Variants in GCNT4 observed in about 807,000 individuals in gnomAD.
GCNT4 encodes beta-1,3-galactosyl-O-glycosyl-glycoprotein beta-1,6-N-acetylglucosaminyltransferase 4.
In GCNT4, 17 loss-of-function variants were observed where a neutral mutation model predicts 31.3. The observed-to-expected ratio is 0.54, with a 90% CI of 0.37 to 0.81. The LOEUF is 0.81. Ranked by LOEUF, GCNT4 falls within the 40% of genes least tolerant of loss-of-function variation. GCNT4 has a pLI of 0.00. For missense variants in GCNT4, 503 were observed against 525.5 expected (o/e 0.96, Z 0.42); for synonymous variants, 158 against 190.6 (o/e 0.83, Z 1.41).
At chr5:75,041,090 G>A (rs968199615) in intron 3 of GCNT4, among the ~76,000 whole-genome samples, 1 of 152,252 alleles carries the variant, frequency 6.6e-6, no homozygotes, top group Non-Finnish European at 1.5e-5. Flanking sequence ...AAAGCTATAA[G>A]CTTTTCCTGT....
At chr5:75,051,868 C>T (rs933362184) in intron 2 of GCNT4, among the ~76,000 whole-genome samples, 3 of 152,198 alleles carry the variant, frequency 2.0e-5, no homozygotes, top group African/African-American at 4.8e-5. Context: ...ATAGAAAATT[C>T]AGCGGCCACA....
chr5:75,044,803 C>G (rs1298401967), intron 3 of GCNT4, among the ~76,000 whole-genome samples: 1 of 151,918 alleles, frequency 6.6e-6, no homozygotes, highest in African/African-American at 2.4e-5. Flanking sequence ...AGACAAGGGC[C>G]CACTTGTACT....
Position 75,026,541 on chromosome 5 carries a change from T to A in GCNT4, c.*2135A>T, listed in dbSNP as rs977854572. 1 of 151,274 alleles carries A rather than the reference T, an allele frequency of 6.6e-6. No homozygotes were observed. The highest frequency in any genetic ancestry group is 2.4e-5 in the African/African-American group (1 of 41,000). The allele number at this position is 151,274 out of a possible 1,614,324, so 9.4% of individuals were successfully genotyped here. A position where few individuals can be genotyped will look rare whatever the true frequency, so the allele number is the denominator to read the frequency against. ...TAAATGTTTAAGCCTTTCGATGGGGTTGGACCTTTGCCTATACTACTACAG... is the reference window on the plus strand; with the variant it reads ...TAAATGTTTAAGCCTTTCGATGGGGATGGACCTTTGCCTATACTACTACAG... On this transcript the variant is annotated 3_prime_UTR_variant, in exon 4 of 4. Transcript: ENST00000652361.
At chr5:75,032,872 G>GGTGGGTGGGTGTGTGTGTGT (rs55942109) in intron 3 of GCNT4, among the ~76,000 whole-genome samples, 2 of 130,646 alleles carry the variant, frequency 1.5e-5, no homozygotes, top group Non-Finnish European at 3.4e-5. Context: ...CCCAAATAGG[G>GGTGGGTGGGTGTGTGTGTGT]GTGTGTGTGT....
Position 75,026,730 on chromosome 5 carries a change from T to C in GCNT4, c.*1946A>G, listed in dbSNP as rs1742954436. 1 of 145,866 alleles carries C rather than the reference T, an allele frequency of 6.9e-6. No homozygotes were observed. The highest frequency in any genetic ancestry group is 1.5e-5 in the Non-Finnish European group (1 of 67,232). 9.0% of individuals were successfully genotyped at this position (145,866 alleles called of 1,614,324 possible). ...TGCTCATTTCAAAGATCTGGAAAACTGAGGTTCATAGAGACCAAAGTGACT... is the reference window on the plus strand; with the variant it reads ...TGCTCATTTCAAAGATCTGGAAAACCGAGGTTCATAGAGACCAAAGTGACT... On this transcript the variant is annotated 3_prime_UTR_variant, in exon 4 of 4. Coordinates refer to ENST00000652361, the MANE Select transcript of GCNT4 (RefSeq NM_001366737.1).
chr5:75,036,618 G>A (rs113196427), intron 3 of GCNT4, among the ~76,000 whole-genome samples: 9 of 151,154 alleles, frequency 6.0e-5, no homozygotes, highest in East Asian at 5.8e-4. Flanking sequence ...AAACATGGTC[G>A]AGGAGATCTT....
chr5:75,050,712 ACTCTCACACCCTACACAAAACTCATCTG>A (rs557208605), intron 2 of GCNT4, among the ~76,000 whole-genome samples: 9,224 of 152,002 alleles, frequency 0.061, 351 homozygotes, highest in Middle Eastern at 0.11. Context: ...GTCACGCTGC[ACTCTCACACCCTACACAAAACTCATCTG>A]CTCTCACACC....
the GCNT4 span, among the ~76,000 whole-genome samples, chr5:75,018,676 C>A: frequency 6.6e-6 from 1 of 152,152 alleles, no homozygotes; most frequent in African/African-American, 2.4e-5. Flanking sequence ...AATACCAGTA[C>A]TGGTTTAATT....
rs1251009352 is a variant in GCNT4, at chr5:75,026,397, T to C, written c.*2279A>G. 4 of 152,150 alleles carry C rather than the reference T, an allele frequency of 2.6e-5. No individual in the cohort carries two copies. Among genetic ancestry groups the C allele is most frequent in the Admixed American group, 1.3e-4 (2 of 15,262 alleles). 9.4% of individuals were successfully genotyped at this position (152,150 alleles called of 1,614,324 possible). A position where few individuals can be genotyped will look rare whatever the true frequency, so the allele number is the denominator to read the frequency against. ...TCACTGTACCAACCTGTAACCCTAT[T>C]GGCTTAGAAAGAAACCCCAAATGGG... On this transcript the variant is annotated 3_prime_UTR_variant, in exon 4 of 4. Coordinates refer to ENST00000652361, the MANE Select transcript of GCNT4 (RefSeq NM_001366737.1).
At chr5:75,038,743 A>G (rs903151848) in intron 3 of GCNT4, among the ~76,000 whole-genome samples, 3 of 152,198 alleles carry the variant, frequency 2.0e-5, no homozygotes, top group African/African-American at 7.2e-5. Context: ...TGATTTAATC[A>G]CTGTCTAAAG....
upstream of GCNT4, chr5:75,052,588 C>T (rs971415709): frequency 1.0e-4 from 16 of 152,384 alleles, no homozygotes; most frequent in Admixed American, 7.8e-4. Flanking sequence ...CTTAAAAAGC[C>T]CAGAAACTGG....
the GCNT4 span, among the ~76,000 whole-genome samples, chr5:75,018,287 G>C: frequency 1.5e-4 from 23 of 151,940 alleles, no homozygotes; most frequent in Non-Finnish European, 3.1e-4. Context: ...TATTTTTATT[G>C]ATTTATTTTT....
At chr5:75,025,082 GTATT>G (rs1742927429), downstream of GCNT4, among the ~76,000 whole-genome samples, 2 of 151,836 alleles carry the variant, frequency 1.3e-5, no homozygotes, top group South Asian at 4.2e-4. Flanking sequence ...GCAAACAAGA[GTATT>G]TATCTTATTA....
rs573894876 is a variant in GCNT4, at chr5:75,033,782, T to C, written c.-1-3744A>G. Among the ~76,000 whole-genome samples the C allele has an allele frequency of 2.6e-5, 4 of 152,142 alleles. No homozygotes were observed. The South Asian group carries it at 8.3e-4, about 32-fold the overall frequency. On this transcript the variant is annotated intron_variant, in intron 3 of 3. Coordinates refer to ENST00000652361, the MANE Select transcript of GCNT4 (RefSeq NM_001366737.1). The stretch of plus-strand genomic sequence containing the variant: ...TTGCTGCACCTATCAACCCGTCATC[T>C]AGGTTTTAAGCCCCGAATGCATTAG...
intron 3 of GCNT4, among the ~76,000 whole-genome samples, chr5:75,042,896 T>C (rs1284865034): frequency 6.6e-6 from 1 of 152,164 alleles, no homozygotes; most frequent in Non-Finnish European, 1.5e-5. Flanking sequence ...ACAATAAAAT[T>C]AAGACTCAGG....
At chr5:75,032,843 C>G (rs1462724937) in intron 3 of GCNT4, among the ~76,000 whole-genome samples, 2 of 146,688 alleles carry the variant, frequency 1.4e-5, no homozygotes, top group African/African-American at 5.0e-5. Flanking sequence ...TGTTGTGGTA[C>G]AGTAGAAGAC....
At chr5:75,053,294 G>T (rs979615752), upstream of GCNT4, among the ~76,000 whole-genome samples, 11 of 152,002 alleles carry the variant, frequency 7.2e-5, no homozygotes, top group African/African-American at 2.2e-4. Flanking sequence ...CTGCAGGCGC[G>T]GAGAGAGGCC....
chr5:75,035,737 C>T (rs1416452867), intron 3 of GCNT4, among the ~76,000 whole-genome samples: 1 of 152,112 alleles, frequency 6.6e-6, no homozygotes, highest in Non-Finnish European at 1.5e-5. Flanking sequence ...GATGCAGCTC[C>T]CAGAGGGATG....
At chr5:75,041,303 G>A (rs1228448765) in intron 3 of GCNT4, among the ~76,000 whole-genome samples, 1 of 152,212 alleles carries the variant, frequency 6.6e-6, no homozygotes, top group Non-Finnish European at 1.5e-5. Flanking sequence ...ACACATCAGT[G>A]AGACTGGCTC....
Sources: gnomAD v4.1 joint callset for allele counts (sites outside exome capture counted in the v4.1 genomes callset) on GRCh38, gnomAD v4.1.1 for gene constraint, MANE v1.5 for transcripts, NCBI Gene and HGNC (gene_info 2026-07-23, HGNC 2026-07-21) for gene names.